ATRNL1: variants seen among roughly 807,000 people sequenced by gnomAD.
ATRNL1 encodes attractin-like protein 1.
In ATRNL1, 95 loss-of-function variants were observed where a neutral mutation model predicts 182.7. The observed-to-expected ratio is 0.52, with a 90% CI of 0.44 to 0.62. The LOEUF (loss-of-function observed/expected upper bound fraction) is 0.62. ATRNL1 is among the 20% of genes least tolerant of loss of function. The pLI is 0.00. For missense variants in ATRNL1, 1,471 were observed against 1,679.5 expected, an observed-to-expected ratio of 0.88 and a Z score of 2.17; for synonymous variants, 576 against 568.3, an observed-to-expected ratio of 1.01 and a Z score of -0.19.
chr10:115,599,446 AT>A (rs1255271168), intron 26 of ATRNL1, among the ~76,000 whole-genome samples: 2 of 152,114 alleles, frequency 1.3e-5, no homozygotes, highest in Non-Finnish European at 2.9e-5. Flanking sequence ...TGTACTTCCC[AT>A]TTGTTATACT....
intron 28 of ATRNL1, among the ~76,000 whole-genome samples, chr10:115,889,295 G>T (rs189517516): frequency 6.6e-6 from 1 of 151,502 alleles, no homozygotes; most frequent in East Asian, 2.0e-4. Context: ...TTGATAAACA[G>T]CCTGCCCCAC....
intron 26 of ATRNL1, among the ~76,000 whole-genome samples, chr10:115,584,072 C>G (rs1304015654): frequency 1.1e-4 from 16 of 151,906 alleles, no homozygotes; most frequent in African/African-American, 3.9e-4. Context: ...TGCGTGTATT[C>G]AACCAGCCTT....
At chr10:115,711,090 G>A (rs1416766042) in intron 26 of ATRNL1, among the ~76,000 whole-genome samples, 2 of 151,754 alleles carry the variant, frequency 1.3e-5, no homozygotes, top group African/African-American at 2.4e-5. Context: ...TCTTTCTCTG[G>A]GTTCTAAACA....
chr10:115,913,938 G>T (rs948125166), intron 28 of ATRNL1, among the ~76,000 whole-genome samples: 4 of 152,118 alleles, frequency 2.6e-5, no homozygotes, highest in African/African-American at 9.7e-5. Context: ...ATATGACCTA[G>T]CCCTGTGTCC....
chr10:115,599,757 A>G (rs1398760966), intron 26 of ATRNL1, among the ~76,000 whole-genome samples: 1 of 152,154 alleles, frequency 6.6e-6, no homozygotes, highest in East Asian at 1.9e-4. Flanking sequence ...TAGAACTCCC[A>G]AACACCCACT....
intron 25 of ATRNL1, among the ~76,000 whole-genome samples, chr10:115,523,301 G>A (rs1199395609): frequency 6.6e-6 from 1 of 152,116 alleles, no homozygotes; most frequent in Non-Finnish European, 1.5e-5. Flanking sequence ...GTCTGTGATG[G>A]GAAGCCCAGA....
chr10:115,828,951 G>A (rs895235301), intron 27 of ATRNL1, among the ~76,000 whole-genome samples: 4 of 152,144 alleles, frequency 2.6e-5, no homozygotes, highest in Non-Finnish European at 4.4e-5. Context: ...ACCTCAAGGT[G>A]TCTACATGCT....
chr10:115,499,189 CATTT>C (rs1209923976), intron 24 of ATRNL1, among the ~76,000 whole-genome samples: 5 of 151,994 alleles, frequency 3.3e-5, no homozygotes, highest in African/African-American at 4.8e-5. Context: ...TGTTTTCTAA[CATTT>C]ATAACAATAT....
intron 19 of ATRNL1, among the ~76,000 whole-genome samples, chr10:115,392,861 G>C (rs1287516065): frequency 2.0e-5 from 3 of 152,114 alleles, no homozygotes; most frequent in Non-Finnish European, 4.4e-5. Context: ...GTAGATGCTG[G>C]CTAGCTGGAA....
At chr10:115,564,228 A>G (rs918983071) in intron 26 of ATRNL1, among the ~76,000 whole-genome samples, 4 of 152,062 alleles carry the variant, frequency 2.6e-5, no homozygotes, top group African/African-American at 9.6e-5. Context: ...AGATTCATGC[A>G]TGAATGTAAT....
chr10:115,380,787 G>A (rs546285359), intron 19 of ATRNL1, among the ~76,000 whole-genome samples: 83 of 152,158 alleles, frequency 5.5e-4, no homozygotes, highest in African/African-American at 1.9e-3. Context: ...TTCTTCGTTA[G>A]TTGATGGACT....
chr10:115,131,228 A>ATG (rs1212889821), intron 5 of ATRNL1, among the ~76,000 whole-genome samples: 8 of 151,606 alleles, frequency 5.3e-5, no homozygotes, highest in African/African-American at 1.7e-4. Flanking sequence ...GTGTGTGTGT[A>ATG]TGTGTGTGTG....
At chr10:115,539,559 A>G (rs1352983973) in intron 25 of ATRNL1, among the ~76,000 whole-genome samples, 3 of 152,200 alleles carry the variant, frequency 2.0e-5, no homozygotes, top group Non-Finnish European at 4.4e-5. Flanking sequence ...AGTAACTACT[A>G]TAGTTTGGAC....
At chr10:115,185,205 G>T (rs1257740704) in intron 8 of ATRNL1, among the ~76,000 whole-genome samples, 1 of 151,912 alleles carries the variant, frequency 6.6e-6, no homozygotes, top group African/African-American at 2.4e-5. Flanking sequence ...TTCTGAAAGG[G>T]CCCAGAAGCT....
intron 28 of ATRNL1, among the ~76,000 whole-genome samples, chr10:115,853,618 C>T (rs782119389): frequency 6.6e-6 from 1 of 152,168 alleles, no homozygotes; most frequent in Non-Finnish European, 1.5e-5. Context: ...TTGATATAAT[C>T]TTAGCACTTT....
At chr10:115,668,301 G>A (rs1419742187) in intron 26 of ATRNL1, among the ~76,000 whole-genome samples, 3 of 152,032 alleles carry the variant, frequency 2.0e-5, no homozygotes, top group Non-Finnish European at 4.4e-5. Context: ...CCTGAATGGA[G>A]AATTATTTTC....
chr10:115,226,052 TTAAG>T (rs1219319737), intron 9 of ATRNL1, among the ~76,000 whole-genome samples: 2 of 151,494 alleles, frequency 1.3e-5, no homozygotes, highest in Non-Finnish European at 3.0e-5. Context: ...TTTACAATAA[TTAAG>T]TGTTGTTGCA....
chr10:115,235,225 C>CT (rs1850129516), intron 9 of ATRNL1, among the ~76,000 whole-genome samples: 1 of 152,026 alleles, frequency 6.6e-6, no homozygotes, highest in Admixed American at 6.6e-5. Context: ...GTGAAAAAAC[C>CT]TTTTTTATTG....
At chr10:115,834,839 G>C (rs116731357) in intron 27 of ATRNL1, among the ~76,000 whole-genome samples, 1 of 152,046 alleles carries the variant, frequency 6.6e-6, no homozygotes, top group Non-Finnish European at 1.5e-5. Context: ...ATCTTAAAAG[G>C]ATTGATGTAA....
Sources: allele counts gnomAD v4.1 joint callset (sites outside exome capture counted in the v4.1 genomes callset), GRCh38; gene constraint gnomAD v4.1.1; transcripts MANE v1.5; gene names NCBI Gene and HGNC (gene_info 2026-07-23, HGNC 2026-07-21).